The following SSH1 variants were observed in gnomAD, a reference collection of about 807,000 sequenced individuals.
The protein encoded by SSH1 is protein phosphatase Slingshot homolog 1.
SSH1 carries 43 observed loss-of-function variants against 79.7 expected under a neutral mutation model. That is an observed-to-expected ratio of 0.54 (90% CI 0.42 to 0.70). The LOEUF (loss-of-function observed/expected upper bound fraction) is 0.70, where lower values mean the gene tolerates loss of function less well. Ranked by LOEUF, SSH1 falls within the 30% of genes least tolerant of loss-of-function variation. The pLI is 0.00. For synonymous variants in SSH1, 599 were observed against 538.3 expected (o/e 1.11, Z -1.56); for missense variants, 1,206 against 1,358.8 (o/e 0.89, Z 1.77).
At chr12:108,822,056 CTCTT>C (rs372398598) in intron 3 of SSH1, among the ~76,000 whole-genome samples, 6 of 152,240 alleles carry the variant, frequency 3.9e-5, no homozygotes, top group South Asian at 2.1e-4. Context: ...GCACTTTTTC[CTCTT>C]TCTTTCTTTT....
chr12:108,799,885 C>T (rs777635180), intron 12 of SSH1, among the ~76,000 whole-genome samples: 8 of 152,308 alleles, frequency 5.3e-5, no homozygotes, highest in Admixed American at 3.3e-4. Context: ...TGTGAAGGAG[C>T]GCCAAGCCAG....
chr12:108,782,361 A>C lies in SSH1; in HGVS notation c.*5627T>G, dbSNP rs567788886. The C allele has an allele frequency of 2.5e-4, 38 of 151,198 alleles. No individual in the cohort carries two copies. Among genetic ancestry groups the C allele is most frequent in the African/African-American group, 9.2e-4 (38 of 41,216 alleles). The allele number at this position is 151,198 out of a possible 1,614,324, so 9.4% of individuals were successfully genotyped here. The stretch of plus-strand genomic sequence containing the variant: ...GCACACCTCTGGCTTTACATTTCCT[A>C]CTTGTACGGGAAGAGAACCCACCCA... On this transcript the variant is annotated 3_prime_UTR_variant, in exon 15 of 15. Coordinates refer to ENST00000326495, the MANE Select transcript of SSH1 (RefSeq NM_018984.4).
chr12:108,805,563 T>C (rs778448415), intron 9 of SSH1, among the ~76,000 whole-genome samples: 1 of 152,288 alleles, frequency 6.6e-6, no homozygotes, highest in Middle Eastern at 3.4e-3. Context: ...ATGTATTCAT[T>C]AATTAAAAGA....
chr12:108,800,677 C>T, intron 12 of SSH1, 103 bp downstream of exon 12: 2 of 1,450,934 alleles, frequency 1.4e-6, no homozygotes, highest in South Asian at 1.2e-5. Context: ...TTAGGATCCC[C>T]CCTCCCACCA....
In SSH1 at chr12:108,827,301, G is replaced by A. The variant is rs918716122; in HGVS notation, c.111-3940C>T. 7.7e-6 allele frequency: 12 copies of A among 1,551,142 alleles called. No homozygotes were observed. In the African/African-American group the frequency reaches 1.1e-4, roughly 14 times the overall value. ...AAACCTCTGGACAGCAGAAGCAGTG[G>A]GTTGGCTGAAGGAAGATGCAGAAGT... On this transcript the variant is annotated intron_variant, in intron 2 of 14. Transcript: ENST00000326495.
Position 108,816,992 on chromosome 12 carries a change from C to T in SSH1, c.401+46G>A, listed in dbSNP as rs765987337. 5 of 1,611,724 alleles carry T rather than the reference C, an allele frequency of 3.1e-6. No individual in the cohort carries two copies. In the Admixed American group the frequency reaches 8.3e-5, roughly 27 times the overall value. On this transcript the variant is annotated intron_variant, in intron 5 of 14. Transcript: ENST00000326495. The stretch of plus-strand genomic sequence containing the variant: ...CATGGAATGCTTTGTCCAGCAGCAA[C>T]TCTTGCCTCCCTCACAGAAGGGAAC...
intron 1 of SSH1, among the ~76,000 whole-genome samples, chr12:108,856,123 C>A (rs1008498153): frequency 6.6e-6 from 1 of 152,256 alleles, no homozygotes; most frequent in East Asian, 1.9e-4. Flanking sequence ...GACCGCAGGG[C>A]CGCTCCTCCA....
rs60718297 is a variant in SSH1 at position 108,838,943 on chromosome 12, T to C, written c.110+13695A>G. ...ATGTACAAACCTTCCCCTTACTTCA[T>C]CTTATTTTCTTCTGCTTTCTTCGTG... On this transcript the variant is annotated intron_variant, in intron 2 of 14. Coordinates refer to ENST00000326495, the MANE Select transcript of SSH1 (RefSeq NM_018984.4). 5.5e-3 allele frequency among the ~76,000 whole-genome samples: 834 copies of C among 152,326 alleles called. 7 individuals carry two copies. Among genetic ancestry groups the C allele is most frequent in the African/African-American group, 0.019 (788 of 41,566 alleles).
At chr12:108,812,863 T>TC (rs2037683994) in intron 5 of SSH1, among the ~76,000 whole-genome samples, 1 of 106,468 alleles carries the variant, frequency 9.4e-6, no homozygotes, top group Non-Finnish European at 1.7e-5. Context: ...ATTTTTCTTT[T>TC]CTTTTTTTTT....
In SSH1 at chr12:108,781,871, T is replaced by C. The variant is rs1199215128; in HGVS notation, c.*6117A>G. On this transcript the variant is annotated 3_prime_UTR_variant, in exon 15 of 15. Coordinates refer to ENST00000326495, the MANE Select transcript of SSH1 (RefSeq NM_018984.4). ...GCTCACACCTGTAATCCCAGCACTT[T>C]GGGAGGCCAAGGTGGGAGGATCACT... 6.6e-6 allele frequency: 1 copy of C among 152,202 alleles called. No individual in the cohort carries two copies. Among genetic ancestry groups the C allele is most frequent in the Non-Finnish European group, 1.5e-5 (1 of 68,078 alleles). 9.4% of individuals were successfully genotyped at this position (152,202 alleles called of 1,614,324 possible). A position where few individuals can be genotyped will look rare whatever the true frequency, so the allele number is the denominator to read the frequency against.
rs1330535725 is a variant in SSH1 at position 108,786,074 on chromosome 12, T to G, written c.*1914A>C. 2 of 152,182 alleles carry G rather than the reference T, an allele frequency of 1.3e-5. No homozygotes were observed. Among genetic ancestry groups the G allele is most frequent in the Admixed American group, 6.5e-5 (1 of 15,274 alleles). The allele number at this position is 152,182 out of a possible 1,614,324, so 9.4% of individuals were successfully genotyped here. On this transcript the variant is annotated 3_prime_UTR_variant, in exon 15 of 15. Coordinates refer to ENST00000326495, the MANE Select transcript of SSH1 (RefSeq NM_018984.4). ...TTTTGCAAAAACTGTGCTCACTAGG[T>G]AAAATATGAACTAGCCTTGTTCCTG... is the stretch of plus-strand genomic sequence containing the variant.
In SSH1 at chr12:108,800,842, A is replaced by G. The variant is rs775266033; in HGVS notation, c.1086T>C (p.Asp362=). 1.9e-6 allele frequency: 3 copies of G among 1,614,132 alleles called. No individual in the cohort carries two copies. Among genetic ancestry groups the G allele is most frequent in the Admixed American group, 1.7e-5 (1 of 60,008 alleles). Residue 362 remains aspartate, a synonymous_variant, in exon 12 of 15, where the codon GAT becomes GAC. Transcript: ENST00000326495. ...GGGCGAGGAGGTCTGTGGTCTCTTC[A>G]TCGTAGACTCGGATGTTATGATATG... ...LFAYHNIRVY[D]EETTDLLAHW...
At chr12:108,795,344 G>C (rs1216693156) in intron 13 of SSH1, among the ~76,000 whole-genome samples, 1 of 151,940 alleles carries the variant, frequency 6.6e-6, no homozygotes, top group Non-Finnish European at 1.5e-5. Context: ...CTGCCTCTTG[G>C]GTTCAAGCAA....
chr12:108,821,350 G>A (rs2038111322), intron 3 of SSH1, among the ~76,000 whole-genome samples: 1 of 151,626 alleles, frequency 6.6e-6, no homozygotes, highest in African/African-American at 2.4e-5. Context: ...GCTATGATCA[G>A]GCCACTGCAC....
intron 2 of SSH1, chr12:108,827,430 AG>A: frequency 7.5e-7 from 1 of 1,337,910 alleles, no homozygotes; most frequent in Non-Finnish European, 9.7e-7. Flanking sequence ...GATCAGGAAA[AG>A]CCAGGAGGCT....
At chr12:108,813,242 C>A (rs1409561845) in intron 5 of SSH1, among the ~76,000 whole-genome samples, 2 of 152,148 alleles carry the variant, frequency 1.3e-5, no homozygotes, top group African/African-American at 4.8e-5. Context: ...AGAAAGCAGG[C>A]TCCAAGTTCC....
At chr12:108,804,046 T>C (rs1565982681) in intron 10 of SSH1, among the ~76,000 whole-genome samples, 1 of 152,132 alleles carries the variant, frequency 6.6e-6, no homozygotes, top group Non-Finnish European at 1.5e-5. Flanking sequence ...CTGCAAAAAC[T>C]GTACTCGGTG....
chr12:108,827,288 A>G (rs2038347293), intron 2 of SSH1: 2 of 1,551,408 alleles, frequency 1.3e-6, no homozygotes, highest in Non-Finnish European at 1.7e-6. Flanking sequence ...ACCTCTGGAC[A>G]GCAGAAGCAG....
At chr12:108,855,381 T>C (rs1424314670) in intron 1 of SSH1, among the ~76,000 whole-genome samples, 2 of 152,114 alleles carry the variant, frequency 1.3e-5, no homozygotes, top group Non-Finnish European at 2.9e-5. Flanking sequence ...GGGTACAGGG[T>C]TCCTATTTTG....
Sources: allele counts gnomAD v4.1 joint callset (sites outside exome capture counted in the v4.1 genomes callset), GRCh38; gene constraint gnomAD v4.1.1; transcripts MANE v1.5; gene names NCBI Gene and HGNC (gene_info 2026-07-23, HGNC 2026-07-21).